Variants in HNF4A observed in about 807,000 individuals in gnomAD.
HNF4A encodes the protein hepatocyte nuclear factor 4 alpha.
Under a neutral mutation model 52.4 loss-of-function variants are expected in HNF4A, and 15 were observed. That is an observed-to-expected ratio of 0.29 (90% confidence interval 0.19 to 0.44). The LOEUF is 0.44. Ranked by LOEUF, HNF4A falls within the 20% of genes least tolerant of loss-of-function variation. HNF4A has a pLI of 1.00. For synonymous variants in HNF4A, 280 were observed against 264.4 expected (o/e 1.06, Z -0.57); for missense variants, 479 against 647.2 (o/e 0.74, Z 2.82).
At chr20:44,375,569 G>GGAA in intron 1 of HNF4A, among the ~76,000 whole-genome samples, 1 of 151,966 alleles carries the variant, frequency 6.6e-6, no homozygotes, top group Non-Finnish European at 1.5e-5. Flanking sequence ...GACCCCAAGA[G>GGAA]GAAAGGTGAT....
intron 1 of HNF4A, among the ~76,000 whole-genome samples, chr20:44,383,573 C>T (rs1219990135): frequency 4.4e-5 from 6 of 136,444 alleles, no homozygotes; most frequent in Admixed American, 8.3e-5. Context: ...TTTTTAAATA[C>T]GGAGTCTCAA....
At chr20:44,405,286 T>A (rs1221946760) in intron 1 of HNF4A, among the ~76,000 whole-genome samples, 2 of 152,200 alleles carry the variant, frequency 1.3e-5, no homozygotes, top group Non-Finnish European at 2.9e-5. Flanking sequence ...TTAAATTTTT[T>A]AAATTTTTTA....
chr20:44,371,224 C>T (rs73275361), intron 1 of HNF4A, among the ~76,000 whole-genome samples: 2 of 152,318 alleles, frequency 1.3e-5, no homozygotes, highest in East Asian at 1.9e-4. Flanking sequence ...AGCTTCCTTA[C>T]TTGTAAGTTA....
intron 3 of HNF4A, chr20:44,408,132 G>A (rs1416597118): frequency 6.3e-6 from 1 of 159,014 alleles, no homozygotes; most frequent in East Asian, 1.9e-4. Flanking sequence ...CAGTAGGTTG[G>A]GTTCATTTCA....
chr20:44,370,090 G>C (rs112201519), intron 1 of HNF4A, among the ~76,000 whole-genome samples: 9 of 151,938 alleles, frequency 5.9e-5, no homozygotes, highest in Non-Finnish European at 8.8e-5. Context: ...GCGGTGGCGC[G>C]ATCTCGGCTC....
At chr20:44,428,541 A>G (rs2063840061) in intron 9 of HNF4A, 54 bp downstream of exon 9, 1 of 1,550,756 alleles carries the variant, frequency 6.4e-7, no homozygotes, top group Admixed American at 1.8e-5. Context: ...GGCTTAAGAC[A>G]GGAGGCAGGA....
At chr20:44,421,433 C>T (rs940991530) in intron 7 of HNF4A, among the ~76,000 whole-genome samples, 1 of 152,104 alleles carries the variant, frequency 6.6e-6, no homozygotes, top group Admixed American at 6.6e-5. Context: ...GTCCTTCACG[C>T]TGCAAATAGA....
chr20:44,373,354 T>C (rs143783900), intron 1 of HNF4A, among the ~76,000 whole-genome samples: 1 of 152,294 alleles, frequency 6.6e-6, no homozygotes, highest in Non-Finnish European at 1.5e-5. Context: ...TAAAATTTTC[T>C]GTAGAGATGG....
chr20:44,429,430 G>C, intron 9 of HNF4A, 93 bp from the exon 10 acceptor site: 1 of 1,385,398 alleles, frequency 7.2e-7, no homozygotes, highest in Non-Finnish European at 1.0e-6. Context: ...AGGTGGGGCA[G>C]GGTGGGAGGG....
intron 1 of HNF4A, among the ~76,000 whole-genome samples, chr20:44,370,775 G>A (rs1157560526): frequency 6.6e-6 from 1 of 152,224 alleles, no homozygotes; most frequent in Non-Finnish European, 1.5e-5. Flanking sequence ...GGATGGGCCA[G>A]TAGTGGAGGG....
At chr20:44,397,337 G>A (rs1055844292), upstream of HNF4A, among the ~76,000 whole-genome samples, 1 of 152,036 alleles carries the variant, frequency 6.6e-6, no homozygotes, top group African/African-American at 2.4e-5. Flanking sequence ...TTGGAGGAAG[G>A]GAATGAAACT....
intron 1 of HNF4A, among the ~76,000 whole-genome samples, chr20:44,360,157 GATTA>G (rs938951908): frequency 5.3e-5 from 8 of 152,258 alleles, no homozygotes; most frequent in Admixed American, 5.2e-4. Context: ...CTTGATTGAA[GATTA>G]ATTAAGTGGA....
chr20:44,386,922 G>A (rs563786378), intron 1 of HNF4A, among the ~76,000 whole-genome samples: 14 of 151,980 alleles, frequency 9.2e-5, no homozygotes, highest in African/African-American at 1.9e-4. Flanking sequence ...GTTACGCACC[G>A]AGCACTTGAA....
At position 44,431,698 on chromosome 20, in the gene HNF4A, T is replaced by A. The variant is rs1326298703; in HGVS notation, c.*2033T>A. 6.6e-6 allele frequency: 1 copy of A among 152,156 alleles called. No individual in the cohort carries two copies. Among genetic ancestry groups the A allele is most frequent in the Admixed American group, 6.5e-5 (1 of 15,272 alleles). The allele number at this position is 152,156 out of a possible 1,614,324, so 9.4% of individuals were successfully genotyped here. A position where few individuals can be genotyped will look rare whatever the true frequency, so the allele number is the denominator to read the frequency against. On this transcript the variant is annotated 3_prime_UTR_variant, in exon 10 of 10. Coordinates refer to ENST00000316099, the MANE Select transcript of HNF4A (RefSeq NM_000457.6). ...ACCAGTGTGAACAAAAGGGATGTGT[T>A]ATGGGGCTGGAGGTGTGATTAGGTA...
intron 1 of HNF4A, among the ~76,000 whole-genome samples, chr20:44,362,418 T>TAAAAAAA (rs36103037): frequency 9.6e-6 from 1 of 104,178 alleles, no homozygotes; most frequent in Admixed American, 1.1e-4. Flanking sequence ...AAACTTGTCT[T>TAAAAAAA]AAAAAAAAAA....
intron 1 of HNF4A, chr20:44,401,657 C>A: frequency 2.5e-6 from 1 of 400,132 alleles, no homozygotes; most frequent in Non-Finnish European, 3.4e-6. Flanking sequence ...TGCCCAGGCA[C>A]AGTGATCACA....
At chr20:44,405,986 C>A (rs1357111992) in intron 1 of HNF4A, 72 bp from the exon 2 acceptor site, 1 of 1,437,182 alleles carries the variant, frequency 7.0e-7, no homozygotes, top group Non-Finnish European at 9.7e-7. Context: ...CTGGAGAGAT[C>A]CCCGCAAGGC....
At chr20:44,377,534 G>T (rs994153350) in intron 1 of HNF4A, among the ~76,000 whole-genome samples, 2 of 151,940 alleles carry the variant, frequency 1.3e-5, no homozygotes, top group African/African-American at 4.8e-5. Context: ...AGGCCGAGGC[G>T]GGTGGATCAC....
At chr20:44,381,932 A>T (rs2063159195) in intron 1 of HNF4A, among the ~76,000 whole-genome samples, 1 of 152,218 alleles carries the variant, frequency 6.6e-6, no homozygotes, top group South Asian at 2.1e-4. Flanking sequence ...TGAATTGAGT[A>T]AATAACGCAA....
Sources: gnomAD v4.1 joint callset for allele counts (sites outside exome capture counted in the v4.1 genomes callset) on GRCh38, gnomAD v4.1.1 for gene constraint, MANE v1.5 for transcripts, NCBI Gene and HGNC (gene_info 2026-07-23, HGNC 2026-07-21) for gene names.